The following SGCD variants were observed in gnomAD, a reference collection of about 807,000 sequenced individuals.
SGCD encodes the protein delta-sarcoglycan.
A neutral mutation model predicts 36.6 loss-of-function variants in SGCD; 18 were observed. The ratio of observed to expected loss-of-function variants is 0.49; its 90% CI spans 0.34 to 0.73. The LOEUF (loss-of-function observed/expected upper bound fraction) is 0.73. Ranked by LOEUF, SGCD falls within the 30% of genes least tolerant of loss-of-function variation. The pLI is 0.01. For synonymous variants in SGCD, 133 were observed against 130.6 expected, an observed-to-expected ratio of 1.02 and a Z score of -0.12; for missense variants, 387 against 346.7, an observed-to-expected ratio of 1.12 and a Z score of -0.92.
At chr5:156,372,037 A>G (rs954520729) in intron 3 of SGCD, among the ~76,000 whole-genome samples, 14 of 152,318 alleles carry the variant, frequency 9.2e-5, no homozygotes, top group African/African-American at 3.1e-4. Flanking sequence ...CTTATTTTAA[A>G]AACTGGAAAA....
chr5:156,354,646 A>C (rs187297988), intron 3 of SGCD, among the ~76,000 whole-genome samples: 1 of 152,344 alleles, frequency 6.6e-6, no homozygotes, highest in Non-Finnish European at 1.5e-5. Flanking sequence ...TGTATATCAC[A>C]CATAGCCATT....
chr5:156,263,709 AT>A (rs1470293612), intron 3 of SGCD, among the ~76,000 whole-genome samples: 4 of 152,072 alleles, frequency 2.6e-5, no homozygotes, highest in Admixed American at 6.6e-5. Context: ...ATCTTCTAGA[AT>A]TTTTATGATT....
At chr5:156,227,531 A>T (rs552881462) in intron 3 of SGCD, among the ~76,000 whole-genome samples, 1 of 151,950 alleles carries the variant, frequency 6.6e-6, no homozygotes, top group African/African-American at 2.4e-5. Context: ...AAATCAGGTA[A>T]TGTGATGCCT....
At chr5:156,748,152 A>C (rs1757015957) in intron 7 of SGCD, among the ~76,000 whole-genome samples, 1 of 152,222 alleles carries the variant, frequency 6.6e-6, no homozygotes, top group Non-Finnish European at 1.5e-5. Context: ...CATTATATGA[A>C]GTTCAAAAAC....
chr5:156,520,489 G>C (rs1036256430), intron 4 of SGCD, among the ~76,000 whole-genome samples: 6 of 151,662 alleles, frequency 4.0e-5, no homozygotes, highest in African/African-American at 1.2e-4. Flanking sequence ...TACCTTTGAT[G>C]TTACTCACAG....
intron 7 of SGCD, among the ~76,000 whole-genome samples, chr5:156,656,530 C>T (rs780889292): frequency 7.2e-5 from 11 of 152,006 alleles, no homozygotes; most frequent in Non-Finnish European, 1.6e-4. Context: ...GAGCAAACAG[C>T]CCAACATATT....
rs1223206427 is a variant in SGCD, at chr5:156,767,157, A to C, written c.*7767A>C. 1 of 152,244 alleles carries C rather than the reference A, an allele frequency of 6.6e-6. No homozygotes were observed. Among genetic ancestry groups the C allele is most frequent in the Non-Finnish European group, 1.5e-5 (1 of 68,042 alleles). The allele number at this position is 152,244 out of a possible 1,614,324, so 9.4% of individuals were successfully genotyped here. A position where few individuals can be genotyped will look rare whatever the true frequency, so the allele number is the denominator to read the frequency against. ...CTAACCTTACCAGAGCCAGAAATCT[A>C]GCTCTCTGGAAGAGATGCAAGATTC... On this transcript the variant is annotated 3_prime_UTR_variant, in exon 9 of 9. Coordinates refer to ENST00000337851, the MANE Select transcript of SGCD (RefSeq NM_000337.6).
chr5:155,745,446 C>G, the SGCD span, among the ~76,000 whole-genome samples: 2 of 152,162 alleles, frequency 1.3e-5, no homozygotes, highest in Admixed American at 6.5e-5. Context: ...GTCTTCCTCT[C>G]TCTCCCTTTC....
At chr5:156,203,107 T>C (rs778582716) in intron 3 of SGCD, among the ~76,000 whole-genome samples, 4 of 152,168 alleles carry the variant, frequency 2.6e-5, no homozygotes, top group Non-Finnish European at 4.4e-5. Flanking sequence ...AATTAGTGTT[T>C]TATAGAAGCC....
intron 3 of SGCD, among the ~76,000 whole-genome samples, chr5:156,214,736 G>C (rs1186044792): frequency 6.6e-6 from 1 of 152,012 alleles, no homozygotes; most frequent in East Asian, 1.9e-4. Flanking sequence ...CATGGTGCTA[G>C]TGTAAAAGCA....
At chr5:156,261,941 A>T (rs1765879151) in intron 3 of SGCD, among the ~76,000 whole-genome samples, 1 of 152,206 alleles carries the variant, frequency 6.6e-6, no homozygotes, top group African/African-American at 2.4e-5. Flanking sequence ...TATTTGTGGT[A>T]TACAGCTGTA....
intron 1 of SGCD, among the ~76,000 whole-genome samples, chr5:155,923,247 C>T (rs1245266478): frequency 6.7e-6 from 1 of 149,818 alleles, no homozygotes; most frequent in Non-Finnish European, 1.5e-5. Flanking sequence ...TAAACTAATA[C>T]ATGTATAATT....
chr5:156,091,681 G>T (rs919661520), intron 1 of SGCD, among the ~76,000 whole-genome samples: 1 of 152,216 alleles, frequency 6.6e-6, no homozygotes, highest in Non-Finnish European at 1.5e-5. Context: ...GTGTAACAGG[G>T]TTTAAAGTGA....
At chr5:155,807,667 A>G in the SGCD span, among the ~76,000 whole-genome samples, 4 of 152,342 alleles carry the variant, frequency 2.6e-5, no homozygotes, top group East Asian at 7.7e-4. Context: ...TGGTCATTTC[A>G]AATGTTTTTG....
At chr5:155,977,913 G>C (rs1217414255) in intron 1 of SGCD, among the ~76,000 whole-genome samples, 1 of 152,090 alleles carries the variant, frequency 6.6e-6, no homozygotes, top group African/African-American at 2.4e-5. Flanking sequence ...AGCTAACATG[G>C]TGAAACCCGG....
chr5:155,797,424 T>C, the SGCD span, among the ~76,000 whole-genome samples: 181 of 152,348 alleles, frequency 1.2e-3, 1 homozygote, highest in African/African-American at 4.0e-3. Context: ...AAAGGAGTTC[T>C]AATGAAAACT....
At position 155,889,164 on chromosome 5, in the gene SGCD, G is replaced by A. The variant is rs577010008; in HGVS notation, c.-282+18740G>A. The stretch of plus-strand genomic sequence containing the variant: ...TCAAACATCTTGTGTTCCTAGCCAA[G>A]TGCCTCTCCATAGCAAGCCTTCAAA... On this transcript the variant is annotated intron_variant, in intron 1 of 9. Coordinates refer to the SGCD transcript ENST00000517913. Among the ~76,000 whole-genome samples, 80 of 152,220 alleles carry A rather than the reference G, an allele frequency of 5.3e-4. No individual in the cohort carries two copies. The South Asian group carries it at 7.3e-3, about 14-fold the overall frequency.
intron 7 of SGCD, among the ~76,000 whole-genome samples, chr5:156,726,401 T>C (rs1378224742): frequency 1.3e-5 from 2 of 152,180 alleles, no homozygotes; most frequent in Admixed American, 1.3e-4. Flanking sequence ...TTAACCTCTA[T>C]CCTACATAAT....
chr5:156,235,573 T>C (rs1765136064), intron 3 of SGCD, among the ~76,000 whole-genome samples: 2 of 152,208 alleles, frequency 1.3e-5, no homozygotes, highest in Non-Finnish European at 2.9e-5. Flanking sequence ...TTGTTCTCTA[T>C]TGATTATGAA....
Sources: allele counts gnomAD v4.1 joint callset (sites outside exome capture counted in the v4.1 genomes callset), GRCh38; gene constraint gnomAD v4.1.1; transcripts MANE v1.5; gene names NCBI Gene and HGNC (gene_info 2026-07-23, HGNC 2026-07-21).